The following TP63 variants were observed in gnomAD, a reference collection of about 807,000 sequenced individuals.
The protein encoded by TP63 is tumor protein 63.
A neutral mutation model predicts 82.8 loss-of-function variants in TP63; 17 were observed. The ratio of observed to expected loss-of-function variants is 0.21; its 90% CI spans 0.14 to 0.31. TP63 has a LOEUF of 0.31. TP63 is among the 10% of genes least tolerant of loss of function. The probability of loss-of-function intolerance (pLI) is 1.00; values close to 1 mark genes in which losing one functional copy is unlikely to be tolerated. For synonymous variants in TP63, 330 were observed against 321.7 expected, an observed-to-expected ratio of 1.03 and a Z score of -0.28; for missense variants, 648 against 895.3, an observed-to-expected ratio of 0.72 and a Z score of 3.52.
intron 4 of TP63, among the ~76,000 whole-genome samples, chr3:189,813,544 C>T (rs1011396249): frequency 2.0e-5 from 3 of 151,426 alleles, no homozygotes; most frequent in Admixed American, 6.6e-5. Context: ...TTTCACCGCT[C>T]ATGACACGAG....
chr3:189,705,964 G>A lies in TP63; in HGVS notation c.63-31776G>A, dbSNP rs1019993362. On this transcript the variant is annotated intron_variant, in intron 1 of 13. Transcript: ENST00000264731. ...CCATAAAGAAGCCTAATGTTGACCT[G>A]ATTTACAAATTAAGGAAAAATTTAT... Among the ~76,000 whole-genome samples, 7 of 152,270 alleles carry A rather than the reference G, an allele frequency of 4.6e-5. 1 individual carries two copies. Among genetic ancestry groups the A allele is most frequent in the African/African-American group, 1.7e-4 (7 of 41,548 alleles).
chr3:189,649,877 C>T lies in TP63; in HGVS notation c.62+18300C>T, dbSNP rs187727131. Among the ~76,000 whole-genome samples the T allele has an allele frequency of 4.8e-5, 7 of 146,282 alleles. 1 individual carries two copies. Among genetic ancestry groups the T allele is most frequent in the African/African-American group, 1.3e-4 (5 of 39,046 alleles). On this transcript the variant is annotated intron_variant, in intron 1 of 13. Coordinates refer to ENST00000264731, the MANE Select transcript of TP63 (RefSeq NM_003722.5). The stretch of plus-strand genomic sequence containing the variant: ...CAACTGATGAGGAACAGGGATGTGA[C>T]GTGTAGGTAAAAGTAATGATTAACT...
intron 4 of TP63, among the ~76,000 whole-genome samples, chr3:189,846,682 C>CTTTT (rs1204688713): frequency 7.1e-5 from 5 of 70,628 alleles, no homozygotes; most frequent in African/African-American, 1.2e-4. Flanking sequence ...TTTCCACATT[C>CTTTT]TTTTTTTTTT....
intron 4 of TP63, among the ~76,000 whole-genome samples, chr3:189,828,890 C>T (rs1711862479): frequency 6.6e-6 from 1 of 152,170 alleles, no homozygotes; most frequent in Non-Finnish European, 1.5e-5. Flanking sequence ...GCATCTTTCA[C>T]TTCAGTGTTT....
intron 8 of TP63, 29 bp from the exon 9 acceptor site, chr3:189,869,295 G>A: frequency 1.3e-6 from 2 of 1,591,418 alleles, no homozygotes; most frequent in Non-Finnish European, 8.6e-7. Context: ...AGTGTTCCCA[G>A]GATGAAACTT....
At chr3:189,890,994 C>T (rs1159717616) in intron 13 of TP63, 112 bp downstream of exon 13, 16 of 935,836 alleles carry the variant, frequency 1.7e-5, no homozygotes, top group Non-Finnish European at 2.5e-5. Flanking sequence ...TTGTCATGCC[C>T]CCAATTATCC....
the TP63 span, among the ~76,000 whole-genome samples, chr3:189,625,391 C>CA: frequency 1.3e-5 from 2 of 151,166 alleles, no homozygotes; most frequent in Non-Finnish European, 2.9e-5. Context: ...CTGTGCTTTA[C>CA]AAAAATATCT....
At chr3:189,848,239 T>TCTC (rs372147574) in intron 4 of TP63, among the ~76,000 whole-genome samples, 1,432 of 95,990 alleles carry the variant, frequency 0.015, 62 homozygotes, top group African/African-American at 0.058. Context: ...CTCCTCCTCC[T>TCTC]TCTCTCTCTC....
At chr3:189,636,642 G>T (rs899043429) in intron 1 of TP63, among the ~76,000 whole-genome samples, 3 of 152,074 alleles carry the variant, frequency 2.0e-5, no homozygotes, top group African/African-American at 7.2e-5. Flanking sequence ...TCTAAATATA[G>T]ACCCACAAGA....
the TP63 span, among the ~76,000 whole-genome samples, chr3:189,604,262 G>T: frequency 3.3e-5 from 5 of 152,142 alleles, no homozygotes; most frequent in Admixed American, 6.5e-5. Context: ...AACCTAGATT[G>T]CAGGGTATGT....
At chr3:189,828,993 G>A (rs1711880872) in intron 4 of TP63, among the ~76,000 whole-genome samples, 1 of 152,212 alleles carries the variant, frequency 6.6e-6, no homozygotes, top group East Asian at 1.9e-4. Flanking sequence ...TTGACTCGTG[G>A]TTGGTCCTCA....
chr3:189,844,988 T>C (rs1489492486), intron 4 of TP63, among the ~76,000 whole-genome samples: 1 of 152,222 alleles, frequency 6.6e-6, no homozygotes, highest in East Asian at 1.9e-4. Context: ...GTTCTAATTA[T>C]TGATTTCATC....
At chr3:189,739,394 G>A (rs576829770) in intron 3 of TP63, among the ~76,000 whole-genome samples, 4 of 152,298 alleles carry the variant, frequency 2.6e-5, no homozygotes, top group Admixed American at 2.6e-4. Context: ...GGGATTACAG[G>A]TGTGAGCCAC....
chr3:189,716,043 A>G (rs1007391104), intron 1 of TP63, among the ~76,000 whole-genome samples: 4 of 152,234 alleles, frequency 2.6e-5, no homozygotes, highest in African/African-American at 9.6e-5. Context: ...ATACAGCGAT[A>G]TAGCACATTA....
chr3:189,787,664 G>A (rs1724719964), intron 3 of TP63, among the ~76,000 whole-genome samples: 1 of 152,130 alleles, frequency 6.6e-6, no homozygotes, highest in African/African-American at 2.4e-5. Flanking sequence ...ATTTTTAGTG[G>A]ATATCAATAC....
Position 189,631,823 on chromosome 3 carries a change from C to T in TP63, c.62+246C>T, listed in dbSNP as rs576213250. Among the ~76,000 whole-genome samples the T allele has an allele frequency of 2.6e-5, 4 of 152,212 alleles. No homozygotes were observed. The East Asian group carries it at 5.8e-4, about 22-fold the overall frequency. On this transcript the variant is annotated intron_variant, in intron 1 of 13. Coordinates refer to ENST00000264731, the MANE Select transcript of TP63 (RefSeq NM_003722.5). The stretch of plus-strand genomic sequence containing the variant: ...TCTTCCCATTTAAAAAAAATTATCA[C>T]GCCATTTAAGAATGTTTAAAATATA...
At chr3:189,705,293 G>A (rs549951117) in intron 1 of TP63, among the ~76,000 whole-genome samples, 51 of 152,168 alleles carry the variant, frequency 3.4e-4, no homozygotes, top group Admixed American at 6.5e-4. Flanking sequence ...TGTAAAATGG[G>A]GATAGTAATA....
intron 1 of TP63, among the ~76,000 whole-genome samples, chr3:189,675,587 T>C (rs1715317183): frequency 6.6e-6 from 1 of 152,104 alleles, no homozygotes; most frequent in Admixed American, 6.6e-5. Context: ...TCCCAACCCA[T>C]AGATTTTTTC....
At chr3:189,789,557 G>T in intron 3 of TP63, 2 of 756,462 alleles carry the variant, frequency 2.6e-6, no homozygotes, top group Non-Finnish European at 1.8e-6. Context: ...CATTGGAGTG[G>T]AGGAGTCCAG....
Sources: gnomAD v4.1 joint callset for allele counts (sites outside exome capture counted in the v4.1 genomes callset) on GRCh38, gnomAD v4.1.1 for gene constraint, MANE v1.5 for transcripts, NCBI Gene and HGNC (gene_info 2026-07-23, HGNC 2026-07-21) for gene names.